Variants in IL1RL2 observed in about 807,000 individuals in gnomAD.
The protein encoded by IL1RL2 is interleukin-1 receptor-like 2.
Under a neutral mutation model 66.8 loss-of-function variants are expected in IL1RL2, and 68 were observed. That is an observed-to-expected ratio of 1.02 (90% confidence interval 0.84 to 1.25). The LOEUF is 1.25. Ranked by LOEUF, IL1RL2 falls within the 50% of genes most tolerant of loss-of-function variation. The pLI is 0.00. For synonymous variants in IL1RL2, 305 were observed against 264.6 expected, an observed-to-expected ratio of 1.15 and a Z score of -1.48; for missense variants, 729 against 709.3, an observed-to-expected ratio of 1.03 and a Z score of -0.32.
intron 8 of IL1RL2, 83 bp downstream of exon 8, chr2:102,220,100 A>T: frequency 7.7e-7 from 1 of 1,293,048 alleles, no homozygotes; most frequent in South Asian, 1.6e-5. Flanking sequence ...GTGACTCTAA[A>T]TGCTCAGTGT....
intron 6 of IL1RL2, among the ~76,000 whole-genome samples, chr2:102,218,512 A>G (rs1007514034): frequency 1.3e-5 from 2 of 152,184 alleles, no homozygotes; most frequent in Non-Finnish European, 2.9e-5. Context: ...TTCTTCCTCT[A>G]ATTAATTTGG....
At chr2:102,216,506 GT>G (rs1164697807) in intron 6 of IL1RL2, among the ~76,000 whole-genome samples, 1 of 151,812 alleles carries the variant, frequency 6.6e-6, no homozygotes, top group African/African-American at 2.4e-5. Flanking sequence ...GTTGGTTCTT[GT>G]TTTTTTCTTT....
In IL1RL2 at chr2:102,218,939, T is replaced by C. The variant is rs537252438; in HGVS notation, c.725-14T>C. On this transcript the variant is annotated splice_polypyrimidine_tract_variant and intron_variant, in intron 6 of 11. Transcript: ENST00000264257. ...GAATTTTCATTGAATATTGATGATA[T>C]TGGTTTTTTTTAGGTACCACTCTGA... The C allele has an allele frequency of 2.5e-6, 4 of 1,604,390 alleles. No homozygotes were observed. The highest frequency in any genetic ancestry group is 1.3e-5 in the African/African-American group (1 of 74,580).
chr2:102,233,030 G>T lies in IL1RL2; in HGVS notation c.1203G>T (p.Val401=). ...KPHKESQRHA[V]DALVLNILPE... The stretch of plus-strand genomic sequence containing the variant: ...ACAAGGAAAGCCAGAGGCATGCCGT[G>T]GATGCCCTGGTGTTGAATATCCTGC... The change falls in exon 10 of 12, where the codon GTG becomes GTT. Residue 401 remains valine (V), a synonymous_variant. Coordinates refer to ENST00000264257, the MANE Select transcript of IL1RL2 (RefSeq NM_003854.4). 6.2e-7 allele frequency: 1 copy of T among 1,614,124 alleles called. No homozygotes were observed. The highest frequency in any genetic ancestry group is 8.5e-7 in the Non-Finnish European group (1 of 1,180,002).
intron 8 of IL1RL2, among the ~76,000 whole-genome samples, chr2:102,223,499 C>T (rs897241999): frequency 6.6e-6 from 1 of 152,212 alleles, no homozygotes; most frequent in Non-Finnish European, 1.5e-5. Context: ...TCTAGTACAT[C>T]AACAGTGGGC....
intron 6 of IL1RL2, among the ~76,000 whole-genome samples, chr2:102,215,191 T>C (rs950543317): frequency 1.3e-5 from 2 of 152,196 alleles, no homozygotes; most frequent in Admixed American, 1.3e-4. Context: ...GGAGTTCTCA[T>C]GGCTATATTG....
At position 102,235,207 on chromosome 2, in the gene IL1RL2, G is replaced by T; in HGVS notation, c.1608G>T (p.Met536Ile). ...TTTGGAAGACAGTGAGATACCACATGCCGCCCAGAAGGTGTCGGCCGTTTC... is the reference window on the plus strand; with the variant it reads ...TTTGGAAGACAGTGAGATACCACATTCCGCCCAGAAGGTGTCGGCCGTTTC... Reference protein sequence around the residue: ...TKFWKTVRYHMPPRRCRPFPP... With the variant: ...TKFWKTVRYHIPPRRCRPFPP... The change falls in exon 11 of 12, where the codon ATG (methionine) becomes ATT (isoleucine). Residue 536 changes from methionine to isoleucine, a missense_variant. Met to Ile is a conservative substitution (Grantham distance 10, BLOSUM62 1). Transcript: ENST00000264257. 6.2e-7 allele frequency: 1 copy of T among 1,614,232 alleles called. No homozygotes were observed.
chr2:102,219,121 A>T, intron 7 of IL1RL2, 39 bp downstream of exon 7: 1 of 1,611,566 alleles, frequency 6.2e-7, no homozygotes, highest in Non-Finnish European at 8.5e-7. Flanking sequence ...AAACGCTAGC[A>T]AGGATTTCTC....
Position 102,235,021 on chromosome 2 carries a change from T to C in IL1RL2, c.1422T>C (p.Ser474=), listed in dbSNP as rs777382074. The C allele has an allele frequency of 2.5e-6, 4 of 1,614,144 alleles. No homozygotes were observed. The highest frequency in any genetic ancestry group is 3.4e-6 in the Non-Finnish European group (4 of 1,180,038). ...NLSEEQIAVY[S]ALIQDGMKVI... is the part of the protein sequence containing the mutation. ...CAGAAGAACAAATCGCGGTCTACAG[T>C]GCCCTGATCCAGGACGGGATGAAGG... is the stretch of plus-strand genomic sequence containing the variant. The change falls in exon 11 of 12, where the codon AGT becomes AGC. Residue 474 remains serine, a synonymous_variant. Transcript: ENST00000264257.
rs1389144830 is a variant in IL1RL2, at chr2:102,187,224, C to G, written c.-13+138C>G. ...CAGGCCCCCCAGGCCGGCCCCCGAC[C>G]GGCTAGGTGACCATGGGGGAGCCGA... is the stretch of plus-strand genomic sequence containing the variant. On this transcript the variant is annotated intron_variant, in intron 1 of 11. Transcript: ENST00000264257. 5 of 1,202,450 alleles carry G rather than the reference C, an allele frequency of 4.2e-6. No homozygotes were observed. In the East Asian group the frequency reaches 1.8e-4, roughly 43 times the overall value. 74.5% of individuals were successfully genotyped at this position (1,202,450 alleles called of 1,614,324 possible). A position where few individuals can be genotyped will look rare whatever the true frequency, so the allele number is the denominator to read the frequency against.
In IL1RL2 at chr2:102,192,043, C is replaced by G. The variant is rs1252993600; in HGVS notation, c.412C>G (p.Leu138Val). 6.2e-7 allele frequency: 1 copy of G among 1,612,768 alleles called. No individual in the cohort carries two copies. Among genetic ancestry groups the G allele is most frequent in the South Asian group, 1.1e-5 (1 of 90,768 alleles). The change falls in exon 4 of 12, where the codon CTT (leucine) becomes GTT (valine). Residue 138 changes from leucine to valine, a missense_variant. Transcript: ENST00000264257. The stretch of plus-strand genomic sequence containing the variant: ...AGATGAGTACAAGCAAATATTACAT[C>G]TTGGAAAAGATGATAGTCTCACATG... ...LSDEYKQILH[L>V]GKDDSLTCHL...
At chr2:102,226,202 C>T (rs888115974) in intron 9 of IL1RL2, among the ~76,000 whole-genome samples, 161 bp downstream of exon 9, 1 of 152,166 alleles carries the variant, frequency 6.6e-6, no homozygotes, top group Non-Finnish European at 1.5e-5. Context: ...TGATTTGTCC[C>T]TAATCACCAG....
intron 9 of IL1RL2, among the ~76,000 whole-genome samples, chr2:102,226,799 A>T (rs1690658179): frequency 6.6e-6 from 1 of 152,134 alleles, no homozygotes; most frequent in Non-Finnish European, 1.5e-5. Flanking sequence ...GGAAGGGAAG[A>T]AAAAAGAAAG....
intron 10 of IL1RL2, 47 bp from the exon 11 acceptor site, chr2:102,234,850 G>A: frequency 6.6e-7 from 1 of 1,523,838 alleles, no homozygotes; most frequent in Non-Finnish European, 9.0e-7. Context: ...TAAGACCCGG[G>A]CTGTTTTAAT....
chr2:102,227,522 G>A (rs1282567259), intron 9 of IL1RL2, among the ~76,000 whole-genome samples: 1 of 152,308 alleles, frequency 6.6e-6, no homozygotes, highest in South Asian at 2.1e-4. Flanking sequence ...AGTGTCCAGT[G>A]CAACCTGAAG....
chr2:102,220,435 T>A (rs1316275163), intron 8 of IL1RL2, among the ~76,000 whole-genome samples: 1 of 152,244 alleles, frequency 6.6e-6, no homozygotes, highest in Non-Finnish European at 1.5e-5. Flanking sequence ...TGAATTCTGA[T>A]ATTTAAGCAG....
intron 11 of IL1RL2, among the ~76,000 whole-genome samples, chr2:102,237,776 G>A (rs1027956027): frequency 6.6e-6 from 1 of 152,186 alleles, no homozygotes; most frequent in Admixed American, 6.5e-5. Context: ...TAACAGCTCC[G>A]CTCATGGTCT....
chr2:102,201,451 T>C (rs1255010378), intron 4 of IL1RL2, 105 bp from the exon 5 acceptor site: 2 of 973,872 alleles, frequency 2.1e-6, no homozygotes, highest in Admixed American at 2.1e-5. Flanking sequence ...CCTAGCTAGC[T>C]AGCTATCTGT....
intron 9 of IL1RL2, among the ~76,000 whole-genome samples, chr2:102,226,274 C>A (rs1261319671): frequency 6.6e-6 from 1 of 152,156 alleles, no homozygotes; most frequent in Non-Finnish European, 1.5e-5. Flanking sequence ...TGCTAAGCTG[C>A]AGGAGGAGAT....
Sources: gnomAD v4.1 joint callset for allele counts (sites outside exome capture counted in the v4.1 genomes callset) on GRCh38, gnomAD v4.1.1 for gene constraint, MANE v1.5 for transcripts, NCBI Gene and HGNC (gene_info 2026-07-23, HGNC 2026-07-21) for gene names.